KLF8: variants seen among roughly 807,000 people sequenced by gnomAD.
The protein encoded by KLF8 is KLF transcription factor 8.
KLF8 carries 10 observed loss-of-function variants against 18.2 expected under a neutral mutation model. That is an observed-to-expected ratio of 0.55 (90% CI 0.34 to 0.93). KLF8 has a LOEUF of 0.93. Ranked by LOEUF, KLF8 falls within the 40% of genes least tolerant of loss-of-function variation. KLF8 has a pLI of 0.02. For missense variants in KLF8, 264 were observed against 277.9 expected (o/e 0.95, Z 0.36); for synonymous variants, 109 against 97.3 (o/e 1.12, Z -0.71).
At chrX:56,198,434 T>C in the KLF8 span, among the ~76,000 whole-genome samples, 1 of 111,988 alleles carries the variant, frequency 8.9e-6, no homozygotes, top group Non-Finnish European at 1.9e-5. Flanking sequence ...AGCTTTCTTA[T>C]ACACCATTAA....
the KLF8 span, among the ~76,000 whole-genome samples, chrX:56,068,426 C>T: frequency 2.1e-4 from 24 of 111,750 alleles, no homozygotes; most frequent in African/African-American, 7.5e-4. Context: ...CCCGACTCTG[C>T]CACTGGAAAC....
the KLF8 span, among the ~76,000 whole-genome samples, chrX:55,943,028 C>T: frequency 3.0e-4 from 32 of 108,025 alleles, no homozygotes; most frequent in Middle Eastern, 4.7e-3. Context: ...GAAATGTAGA[C>T]AGTGTCAGAA....
At chrX:56,134,605 A>T in the KLF8 span, among the ~76,000 whole-genome samples, 2 of 111,718 alleles carry the variant, frequency 1.8e-5, no homozygotes, top group African/African-American at 6.5e-5. Context: ...TTGGGCAAAG[A>T]CTTCATGACC....
the KLF8 span, among the ~76,000 whole-genome samples, chrX:55,960,595 G>GAGGAGGAGGAGGAGA: frequency 2.9e-5 from 1 of 34,531 alleles, no homozygotes; most frequent in Admixed American, 5.2e-4. Context: ...GGAGAAGAAG[G>GAGGAGGAGGAGGAGA]AGAAGGAGAA....
the KLF8 span, among the ~76,000 whole-genome samples, chrX:55,943,860 G>A: frequency 1.8e-5 from 2 of 112,207 alleles, no homozygotes; most frequent in Non-Finnish European, 1.9e-5. Flanking sequence ...CTGCACACAT[G>A]GAGTCTGTTT....
chrX:56,241,944 C>G (rs1197309463), intron 1 of KLF8, among the ~76,000 whole-genome samples: 4 of 112,196 alleles, frequency 3.6e-5, no homozygotes, highest in Non-Finnish European at 7.5e-5. Context: ...TTACAAGTAT[C>G]TTGTGAGGTG....
At chrX:55,967,820 TAGAC>T in the KLF8 span, among the ~76,000 whole-genome samples, 2 of 111,786 alleles carry the variant, frequency 1.8e-5, no homozygotes, top group African/African-American at 3.2e-5. Flanking sequence ...TTTCAAGACA[TAGAC>T]AGTACAATAA....
At chrX:55,998,709 A>G in the KLF8 span, among the ~76,000 whole-genome samples, 276 of 110,615 alleles carry the variant, frequency 2.5e-3, 1 homozygote, top group African/African-American at 8.8e-3. Context: ...TGACAATCTG[A>G]TCTCTCTTGC....
the KLF8 span, among the ~76,000 whole-genome samples, chrX:56,219,851 A>C: frequency 8.9e-6 from 1 of 112,040 alleles, no homozygotes; most frequent in South Asian, 3.8e-4. Flanking sequence ...GACTGTCTCA[A>C]AAAAAGAAAA....
the KLF8 span, among the ~76,000 whole-genome samples, chrX:56,102,929 G>T: frequency 1.2e-5 from 1 of 86,749 alleles, no homozygotes; most frequent in African/African-American, 4.5e-5. Flanking sequence ...AGTCCCCGGG[G>T]TGTGATGCTT....
rs1204465639 is a variant in KLF8, at chrX:56,290,232, T to C, written c.*5738T>C. On this transcript the variant is annotated 3_prime_UTR_variant, in exon 6 of 6. Transcript: ENST00000468660. ...TTAATCCATTTGCAAAATGGGGATC[T>C]CAATATCTACCTCACAGGAATGTTG... Among the ~76,000 whole-genome samples, 1 of 111,842 alleles carries C rather than the reference T, an allele frequency of 8.9e-6. No individual in the cohort carries two copies. The highest frequency in any genetic ancestry group is 2.8e-4 in the East Asian group (1 of 3,566).
At chrX:55,940,045 A>G in the KLF8 span, among the ~76,000 whole-genome samples, 1 of 111,875 alleles carries the variant, frequency 8.9e-6, no homozygotes, top group East Asian at 2.8e-4. Context: ...CATCATCCTG[A>G]TACCAAAGCC....
chrX:56,145,158 C>G, the KLF8 span, among the ~76,000 whole-genome samples: 1 of 111,327 alleles, frequency 9.0e-6, no homozygotes, highest in Middle Eastern at 4.6e-3. Context: ...AAAATATGGG[C>G]AAAGGATTTG....
chrX:55,973,287 A>G, the KLF8 span, among the ~76,000 whole-genome samples: 2 of 111,951 alleles, frequency 1.8e-5, no homozygotes, highest in African/African-American at 6.5e-5. Flanking sequence ...TTTTGGACAT[A>G]GGCCATGGCA....
the KLF8 span, among the ~76,000 whole-genome samples, chrX:55,987,371 C>T: frequency 2.7e-5 from 3 of 109,612 alleles, no homozygotes; most frequent in Non-Finnish European, 5.7e-5. Context: ...CCACAACAGG[C>T]CCCGGGGTGT....
chrX:56,043,375 G>A, the KLF8 span, among the ~76,000 whole-genome samples: 6 of 110,817 alleles, frequency 5.4e-5, no homozygotes, highest in South Asian at 2.3e-3. Context: ...GCTTGGTTGG[G>A]GAAGTTCTCC....
chrX:56,004,644 C>T, the KLF8 span, among the ~76,000 whole-genome samples: 38 of 111,398 alleles, frequency 3.4e-4, no homozygotes, highest in African/African-American at 1.1e-3. Flanking sequence ...TTCAATCATG[C>T]CCTCTTTCCT....
the KLF8 span, among the ~76,000 whole-genome samples, chrX:56,032,721 A>G: frequency 8.9e-6 from 1 of 112,226 alleles, no homozygotes; most frequent in South Asian, 3.7e-4. Context: ...TTGTTTATCC[A>G]TTTATCTATA....
intron 1 of KLF8, among the ~76,000 whole-genome samples, chrX:56,241,720 T>A (rs950639885): frequency 3.6e-5 from 4 of 112,259 alleles, no homozygotes; most frequent in African/African-American, 1.3e-4. Context: ...TGATCTAGAA[T>A]ACAAGTCTCC....
Sources: gnomAD v4.1 joint callset for allele counts (sites outside exome capture counted in the v4.1 genomes callset) on GRCh38, gnomAD v4.1.1 for gene constraint, MANE v1.5 for transcripts, NCBI Gene and HGNC (gene_info 2026-07-23, HGNC 2026-07-21) for gene names.